The following NTRK3 variants were observed in gnomAD, a reference collection of about 807,000 sequenced individuals.
The protein encoded by NTRK3 is neurotrophic receptor tyrosine kinase 3.
In NTRK3, 24 loss-of-function variants were observed where a neutral mutation model predicts 91.7. The observed-to-expected ratio is 0.26, with a 90% CI of 0.19 to 0.37. The LOEUF is 0.37. NTRK3 is among the 10% of genes least tolerant of loss of function. The pLI, the probability that NTRK3 is intolerant of heterozygous loss-of-function variation, is 1.00. For synonymous variants in NTRK3, 483 were observed against 404.0 expected (o/e 1.20, Z -2.34); for missense variants, 880 against 1,068.9 (o/e 0.82, Z 2.46).
At position 87,942,914 on chromosome 15, in the gene NTRK3, T is replaced by G. The variant is rs373975203; in HGVS notation, c.1586-2161A>C. On this transcript the variant is annotated intron_variant, in intron 14 of 18. Coordinates refer to ENST00000394480, the Ensembl canonical transcript of NTRK3. ...GAGGGCCAAATCAGGCATCCGCACC[T>G]GGTGACTGAGCTGGGCATGGGATTC... Among the ~76,000 whole-genome samples, 17 of 152,282 alleles carry G rather than the reference T, an allele frequency of 1.1e-4. 1 individual carries two copies. In the East Asian group the frequency reaches 2.3e-3, roughly 21 times the overall value.
chr15:87,883,397 A>ATG (rs558768640), intron 17 of NTRK3, among the ~76,000 whole-genome samples: 3 of 148,586 alleles, frequency 2.0e-5, no homozygotes, highest in African/African-American at 7.3e-5. Context: ...ATATATGTAT[A>ATG]TGTGTGTGTA....
intron 10 of NTRK3, among the ~76,000 whole-genome samples, chr15:88,131,501 A>G (rs1332975009): frequency 6.6e-6 from 1 of 152,200 alleles, no homozygotes; most frequent in African/African-American, 2.4e-5. Flanking sequence ...CTTCGTGCCA[A>G]CACCCTCTTC....
At chr15:88,181,399 G>A (rs1172678367) in intron 5 of NTRK3, among the ~76,000 whole-genome samples, 1 of 152,122 alleles carries the variant, frequency 6.6e-6, no homozygotes, top group East Asian at 1.9e-4. Flanking sequence ...GCAAGCCAAA[G>A]ACATGCTCTG....
intron 14 of NTRK3, among the ~76,000 whole-genome samples, chr15:88,021,123 C>A (rs1455579808): frequency 1.3e-5 from 2 of 152,210 alleles, no homozygotes; most frequent in East Asian, 1.9e-4. Context: ...AGGAAGAGAA[C>A]AACAGGCAAA....
intron 5 of NTRK3, among the ~76,000 whole-genome samples, chr15:88,154,344 C>G (rs1489551118): frequency 6.6e-6 from 1 of 152,106 alleles, no homozygotes; most frequent in Non-Finnish European, 1.5e-5. Context: ...ACCATATAAT[C>G]TTGTCACCAA....
chr15:87,908,174 G>C (rs983198013), intron 17 of NTRK3, among the ~76,000 whole-genome samples: 1 of 152,140 alleles, frequency 6.6e-6, no homozygotes, highest in Non-Finnish European at 1.5e-5. Context: ...TCCACCACAC[G>C]CACAGGTCTG....
chr15:87,886,183 G>T (rs771644630), intron 17 of NTRK3, among the ~76,000 whole-genome samples: 2 of 152,064 alleles, frequency 1.3e-5, no homozygotes, highest in African/African-American at 4.8e-5. Context: ...TTTGAGAGGG[G>T]TGAGGAAAGA....
chr15:87,859,791 A>G (rs1364031315), exon 19 of NTRK3: 1 of 176,800 alleles, frequency 5.7e-6, no homozygotes, highest in Non-Finnish European at 1.2e-5. Flanking sequence ...CCCTACATAA[A>G]CTATGTCAGG....
intron 10 of NTRK3, among the ~76,000 whole-genome samples, chr15:88,129,566 C>T (rs1325764812): frequency 6.6e-6 from 1 of 152,172 alleles, no homozygotes; most frequent in Admixed American, 6.5e-5. Flanking sequence ...ATGGTGATTG[C>T]TACCAACATC....
intron 13 of NTRK3, among the ~76,000 whole-genome samples, chr15:88,083,843 C>T (rs572636834): frequency 9.5e-4 from 144 of 152,280 alleles, no homozygotes; most frequent in African/African-American, 3.4e-3. Context: ...TCCTTGGCTC[C>T]AAGCCCTATT....
intron 10 of NTRK3, among the ~76,000 whole-genome samples, chr15:88,130,152 A>G (rs988848064): frequency 2.6e-5 from 4 of 152,204 alleles, no homozygotes; most frequent in Non-Finnish European, 5.9e-5. Flanking sequence ...AGTCTATGGT[A>G]TTTCACTGCT....
chr15:87,943,791 C>G (rs1445123324), intron 14 of NTRK3, among the ~76,000 whole-genome samples: 1 of 152,044 alleles, frequency 6.6e-6, no homozygotes, highest in Non-Finnish European at 1.5e-5. Context: ...CCAGAAGAGC[C>G]TGGCAGCAGC....
chr15:88,093,948 G>T (rs1008025208), intron 13 of NTRK3, among the ~76,000 whole-genome samples: 1 of 152,144 alleles, frequency 6.6e-6, no homozygotes, highest in Non-Finnish European at 1.5e-5. Flanking sequence ...GGAAACTGAG[G>T]CTTGGGGAGG....
At chr15:87,916,926 C>T (rs1024430556) in intron 17 of NTRK3, among the ~76,000 whole-genome samples, 1 of 152,034 alleles carries the variant, frequency 6.6e-6, no homozygotes, top group East Asian at 1.9e-4. Flanking sequence ...CCATGCCCAG[C>T]TAATTTTTCA....
At chr15:87,870,900 A>G in exon 19 of NTRK3, 1 of 229,110 alleles carries the variant, frequency 4.4e-6, no homozygotes, top group Non-Finnish European at 8.7e-6. Context: ...GTGGGTCACG[A>G]CACTGAACAA....
At chr15:88,095,664 A>C (rs941047345) in intron 13 of NTRK3, among the ~76,000 whole-genome samples, 39 of 152,156 alleles carry the variant, frequency 2.6e-4, no homozygotes, top group Admixed American at 1.6e-3. Context: ...TAGGTGCATA[A>C]CCCTCCCCAG....
chr15:87,966,464 A>G lies in NTRK3; in HGVS notation c.1586-25711T>C, dbSNP rs1352627527. ...GCCTGTTCCCTTCTCTTCCACCCCC[A>G]TCTTCCATCCCACAGTGAAAGGGGT... On this transcript the variant is annotated intron_variant, in intron 14 of 18. Coordinates refer to ENST00000394480, the Ensembl canonical transcript of NTRK3. Among the ~76,000 whole-genome samples the G allele has an allele frequency of 2.0e-5, 3 of 152,024 alleles. No homozygotes were observed. The East Asian group carries it at 5.8e-4, about 29-fold the overall frequency.
intron 5 of NTRK3, among the ~76,000 whole-genome samples, chr15:88,148,445 G>A (rs1454573303): frequency 2.0e-5 from 3 of 152,168 alleles, no homozygotes; most frequent in African/African-American, 4.8e-5. Context: ...AGTGCGGAGG[G>A]CTCAGAGAGA....
chr15:88,197,094 CAAAAAA>C (rs59553739), intron 3 of NTRK3, among the ~76,000 whole-genome samples: 366 of 56,408 alleles, frequency 6.5e-3, no homozygotes, highest in African/African-American at 0.017. Flanking sequence ...TTGAGCAGGA[CAAAAAA>C]AAAAAAAAAA....
Sources: gnomAD v4.1 joint callset for allele counts (sites outside exome capture counted in the v4.1 genomes callset) on GRCh38, gnomAD v4.1.1 for gene constraint, MANE v1.5 for transcripts, NCBI Gene and HGNC (gene_info 2026-07-23, HGNC 2026-07-21) for gene names.